The following NALF1 variants were observed in gnomAD, a reference collection of about 807,000 sequenced individuals.
NALF1 encodes NALCN channel auxiliary factor 1.
NALF1 carries 3 observed loss-of-function variants against 48.4 expected under a neutral mutation model. The ratio of observed to expected loss-of-function variants is 0.06; its 90% confidence interval spans 0.03 to 0.16. NALF1 has a LOEUF of 0.16. Ranked by LOEUF, NALF1 falls within the 10% of genes least tolerant of loss-of-function variation. NALF1 has a pLI of 1.00. For missense variants in NALF1, 526 were observed against 571.5 expected (o/e 0.92, Z 0.81); for synonymous variants, 262 against 245.7 (o/e 1.07, Z -0.62).
chr13:107,809,654 A>G (rs1009814210), intron 1 of NALF1, among the ~76,000 whole-genome samples: 1 of 152,068 alleles, frequency 6.6e-6, no homozygotes, highest in African/African-American at 2.4e-5. Context: ...TGTGCCCTCA[A>G]TTTTTGGAAG....
chr13:107,767,037 G>C (rs534263511), intron 1 of NALF1, among the ~76,000 whole-genome samples: 2 of 152,238 alleles, frequency 1.3e-5, no homozygotes, highest in East Asian at 1.9e-4. Context: ...GTAAGACAGA[G>C]TCAGAGAGAA....
chr13:107,258,630 T>C (rs1880868338), intron 1 of NALF1, among the ~76,000 whole-genome samples: 1 of 152,184 alleles, frequency 6.6e-6, no homozygotes, highest in Admixed American at 6.5e-5. Flanking sequence ...ATCACGGTGA[T>C]GCAGAAGCCA....
At chr13:107,481,494 T>C (rs1212392181) in intron 1 of NALF1, among the ~76,000 whole-genome samples, 1 of 152,222 alleles carries the variant, frequency 6.6e-6, no homozygotes, top group East Asian at 1.9e-4. Flanking sequence ...ATCAATTGTT[T>C]ACTACTCTCC....
chr13:107,214,335 T>C (rs1879828591), intron 1 of NALF1, among the ~76,000 whole-genome samples: 1 of 152,246 alleles, frequency 6.6e-6, no homozygotes, highest in Non-Finnish European at 1.5e-5. Context: ...TTGTCTTATT[T>C]CATAAGAACT....
intron 1 of NALF1, among the ~76,000 whole-genome samples, chr13:107,781,898 A>T (rs892946862): frequency 4.6e-5 from 7 of 152,242 alleles, no homozygotes; most frequent in African/African-American, 1.7e-4. Flanking sequence ...TTGAATGAAT[A>T]AATGAACCAA....
chr13:107,240,459 G>T (rs1346310512), intron 1 of NALF1, among the ~76,000 whole-genome samples: 2 of 152,106 alleles, frequency 1.3e-5, no homozygotes, highest in African/African-American at 2.4e-5. Flanking sequence ...ATAACAATGG[G>T]ACTTTTGTTA....
At chr13:107,785,864 A>G (rs891204738) in intron 1 of NALF1, among the ~76,000 whole-genome samples, 2 of 152,212 alleles carry the variant, frequency 1.3e-5, no homozygotes, top group African/African-American at 4.8e-5. Flanking sequence ...AGGATCTTAC[A>G]GGCCACAGAG....
At chr13:107,292,320 G>A (rs1176683646) in intron 1 of NALF1, among the ~76,000 whole-genome samples, 2 of 152,184 alleles carry the variant, frequency 1.3e-5, no homozygotes, top group Non-Finnish European at 2.9e-5. Context: ...GTGAGTCAGT[G>A]AGTGAGAAGT....
intron 1 of NALF1, among the ~76,000 whole-genome samples, chr13:107,748,400 C>T (rs998569953): frequency 7.9e-5 from 12 of 152,122 alleles, no homozygotes; most frequent in Admixed American, 7.2e-4. Flanking sequence ...AAAAAAGTCT[C>T]AAAGTAATAA....
At chr13:107,351,528 A>C (rs1322170995) in intron 1 of NALF1, among the ~76,000 whole-genome samples, 1 of 152,176 alleles carries the variant, frequency 6.6e-6, no homozygotes, top group African/African-American at 2.4e-5. Flanking sequence ...ACACTTGCCC[A>C]GTAACAGCAT....
chr13:107,318,604 G>C (rs1329265495), intron 1 of NALF1, among the ~76,000 whole-genome samples: 2 of 152,042 alleles, frequency 1.3e-5, no homozygotes, highest in African/African-American at 2.4e-5. Flanking sequence ...ATTGTGGTGG[G>C]ACTAGAAACT....
chr13:107,465,511 G>C (rs1884988173), intron 1 of NALF1, among the ~76,000 whole-genome samples: 1 of 152,100 alleles, frequency 6.6e-6, no homozygotes, highest in Non-Finnish European at 1.5e-5. Flanking sequence ...GAGCAAAGTA[G>C]TTCAGAGGAG....
intron 1 of NALF1, chr13:107,788,715 C>A (rs1028555896): frequency 6.6e-6 from 1 of 152,140 alleles, no homozygotes. Flanking sequence ...TCTGGAGGAC[C>A]CCAGCAGCTC....
intron 1 of NALF1, among the ~76,000 whole-genome samples, chr13:107,644,642 C>CATATATATAAATATAT: frequency 1.1e-5 from 1 of 92,252 alleles, no homozygotes; most frequent in South Asian, 3.9e-4. Flanking sequence ...TACATACATA[C>CATATATATAAATATAT]ATACATATAT....
chr13:107,237,696 A>G (rs1337117720), intron 1 of NALF1, among the ~76,000 whole-genome samples: 1 of 152,236 alleles, frequency 6.6e-6, no homozygotes, highest in African/African-American at 2.4e-5. Context: ...GCCTGACTAC[A>G]TAGTACACAT....
At chr13:107,203,540 C>A (rs774995573) in intron 2 of NALF1, among the ~76,000 whole-genome samples, 3 of 152,168 alleles carry the variant, frequency 2.0e-5, no homozygotes, top group Non-Finnish European at 1.5e-5. Context: ...CACTTCTGTG[C>A]AAGGTCAGCG....
intron 1 of NALF1, among the ~76,000 whole-genome samples, chr13:107,500,725 C>T (rs1255322635): frequency 6.6e-6 from 1 of 151,102 alleles, no homozygotes; most frequent in East Asian, 1.9e-4. Context: ...CAATGATACA[C>T]TGGATTAAGA....
chr13:107,454,186 C>T (rs1480186850), intron 1 of NALF1, among the ~76,000 whole-genome samples: 1 of 152,186 alleles, frequency 6.6e-6, no homozygotes, highest in African/African-American at 2.4e-5. Flanking sequence ...TCCAAAGTCA[C>T]TTCCACATTT....
At chr13:107,757,955 T>C (rs1877159337) in intron 1 of NALF1, among the ~76,000 whole-genome samples, 1 of 152,198 alleles carries the variant, frequency 6.6e-6, no homozygotes, top group Middle Eastern at 3.2e-3. Flanking sequence ...TGTATTACAT[T>C]ATTTTCCACT....
Sources: gnomAD v4.1 joint callset for allele counts (sites outside exome capture counted in the v4.1 genomes callset) on GRCh38, gnomAD v4.1.1 for gene constraint, MANE v1.5 for transcripts, NCBI Gene and HGNC (gene_info 2026-07-23, HGNC 2026-07-21) for gene names.